The following NECTIN3 variants were observed in gnomAD, a reference collection of about 807,000 sequenced individuals.
NECTIN3 encodes the protein nectin-3.
A neutral mutation model predicts 49.4 loss-of-function variants in NECTIN3; 8 were observed. That is an observed-to-expected ratio of 0.16 (90% CI 0.10 to 0.29). The LOEUF is 0.29. NECTIN3 is among the 10% of genes least tolerant of loss of function. The probability of loss-of-function intolerance (pLI) is 1.00; values close to 1 mark genes in which losing one functional copy is unlikely to be tolerated. For synonymous variants in NECTIN3, 277 were observed against 241.1 expected (o/e 1.15, Z -1.38); for missense variants, 581 against 654.6 (o/e 0.89, Z 1.23).
chr3:111,096,008 G>A (rs2032564233), intron 1 of NECTIN3, among the ~76,000 whole-genome samples: 1 of 152,208 alleles, frequency 6.6e-6, no homozygotes, highest in African/African-American at 2.4e-5. Context: ...CTTTGGAACT[G>A]GGTAACAGGC....
At chr3:111,127,324 A>T (rs149560400) in intron 5 of NECTIN3, among the ~76,000 whole-genome samples, 1 of 152,168 alleles carries the variant, frequency 6.6e-6, no homozygotes, top group African/African-American at 2.4e-5. Context: ...GTCTTAGAGC[A>T]CTCACCACAG....
chr3:111,173,915 G>T (rs1559818581), intron 7 of NECTIN3, among the ~76,000 whole-genome samples: 1 of 151,666 alleles, frequency 6.6e-6, no homozygotes, highest in Non-Finnish European at 1.5e-5. Flanking sequence ...GTAAAATCCT[G>T]GATTCCCCTG....
chr3:111,080,839 T>C (rs1053196449), intron 1 of NECTIN3, among the ~76,000 whole-genome samples: 14 of 152,214 alleles, frequency 9.2e-5, no homozygotes, highest in Non-Finnish European at 2.1e-4. Context: ...GGCATGCTTA[T>C]ATATCAAATG....
chr3:111,128,251 C>T (rs561285969), intron 5 of NECTIN3, among the ~76,000 whole-genome samples: 1 of 151,190 alleles, frequency 6.6e-6, no homozygotes, highest in Non-Finnish European at 1.5e-5. Context: ...GCAGGAGAAT[C>T]GCTTGAATCC....
intron 7 of NECTIN3, among the ~76,000 whole-genome samples, chr3:111,167,891 G>A (rs1282723080): frequency 2.0e-5 from 3 of 151,004 alleles, no homozygotes; most frequent in Non-Finnish European, 4.4e-5. Context: ...TTTCTTTTTT[G>A]GACATTATGT....
Position 111,166,913 on chromosome 3 carries a change from ATAGG to A in NECTIN3, c.1221+19449_1221+19452del, listed in dbSNP as rs367945964. On this transcript the variant is annotated intron_variant, in intron 7 of 8. Transcript: ENST00000493615. The stretch of plus-strand genomic sequence containing the variant: ...ATAGTGTTTATAATATTTAATAAAG[ATAGG>A]TAGGTAGGTAGGTAGGTAGATAGAT... Among the ~76,000 whole-genome samples, 283 of 152,302 alleles carry A rather than the reference ATAGG, an allele frequency of 1.9e-3. 1 individual carries two copies. Among genetic ancestry groups the A allele is most frequent in the South Asian group, 5.4e-3 (26 of 4,826 alleles).
chr3:111,094,220 T>G (rs1021367419), intron 1 of NECTIN3, among the ~76,000 whole-genome samples: 1 of 152,120 alleles, frequency 6.6e-6, no homozygotes, highest in African/African-American at 2.4e-5. Context: ...TTATATCACT[T>G]GTAATTTTTA....
chr3:111,141,410 A>T (rs144050900), downstream of NECTIN3, among the ~76,000 whole-genome samples: 5 of 151,994 alleles, frequency 3.3e-5, no homozygotes, highest in Admixed American at 3.3e-4. Flanking sequence ...AGGTGTACAC[A>T]TATGTTTCAA....
intron 4 of NECTIN3, among the ~76,000 whole-genome samples, chr3:111,125,022 CTTTTTTTT>C (rs869201432): frequency 3.3e-5 from 3 of 90,210 alleles, no homozygotes; most frequent in Admixed American, 1.3e-4. Context: ...TCTTTTCTTT[CTTTTTTTT>C]TTTTTTTTTT....
At chr3:111,086,341 T>C (rs1306207840) in intron 1 of NECTIN3, among the ~76,000 whole-genome samples, 3 of 152,192 alleles carry the variant, frequency 2.0e-5, no homozygotes, top group African/African-American at 7.2e-5. Flanking sequence ...TGTTGTGTTT[T>C]TGTTTAGGAA....
Position 111,135,950 on chromosome 3 carries a change from A to G in NECTIN3, c.*1735A>G, listed in dbSNP as rs1009963610. On this transcript the variant is annotated 3_prime_UTR_variant, in exon 6 of 6. Transcript: ENST00000485303. The stretch of plus-strand genomic sequence containing the variant: ...AAATAAAGTTCACTTATATCTTCTT[A>G]CAAATGTCTGGGTTTTAATATGGTT... 2.1e-6 allele frequency: 2 copies of G among 931,220 alleles called. No homozygotes were observed. Among genetic ancestry groups the G allele is most frequent in the African/African-American group, 1.8e-5 (1 of 55,626 alleles). The allele number at this position is 931,220 out of a possible 1,614,324, so 57.7% of individuals were successfully genotyped here. A position where few individuals can be genotyped will look rare whatever the true frequency, so the allele number is the denominator to read the frequency against.
chr3:111,087,264 G>A (rs189923864), intron 1 of NECTIN3, among the ~76,000 whole-genome samples: 44 of 152,180 alleles, frequency 2.9e-4, no homozygotes, highest in African/African-American at 9.9e-4. Context: ...ATATTAAAGT[G>A]GTGACTACAA....
At chr3:111,186,491 G>C (rs756338223) in intron 7 of NECTIN3, among the ~76,000 whole-genome samples, 9 of 152,048 alleles carry the variant, frequency 5.9e-5, no homozygotes, top group Non-Finnish European at 1.3e-4. Flanking sequence ...TGATGCTAGG[G>C]TAAATGGCTA....
At chr3:111,145,738 A>G (rs1443606714) in intron 6 of NECTIN3, among the ~76,000 whole-genome samples, 1 of 152,216 alleles carries the variant, frequency 6.6e-6, no homozygotes, top group Non-Finnish European at 1.5e-5. Flanking sequence ...AATATTTTAT[A>G]AACTGTGAAG....
intron 2 of NECTIN3, among the ~76,000 whole-genome samples, chr3:111,112,819 T>G (rs762963411): frequency 2.0e-5 from 3 of 152,196 alleles, no homozygotes; most frequent in Non-Finnish European, 2.9e-5. Flanking sequence ...TATTTTAGAT[T>G]TGCATAGCTA....
intron 1 of NECTIN3, among the ~76,000 whole-genome samples, chr3:111,110,382 A>G (rs1464757883): frequency 3.9e-5 from 6 of 152,002 alleles, no homozygotes; most frequent in Admixed American, 3.9e-4. Context: ...GTAAATGGTA[A>G]GTTTTATTAA....
At chr3:111,157,552 CAG>C (rs1044779232) in intron 7 of NECTIN3, among the ~76,000 whole-genome samples, 3 of 151,936 alleles carry the variant, frequency 2.0e-5, no homozygotes, top group South Asian at 4.1e-4. Context: ...TTTTAAAAAA[CAG>C]AATTTGAACT....
At chr3:111,088,603 A>G (rs2032073703) in intron 1 of NECTIN3, among the ~76,000 whole-genome samples, 1 of 152,258 alleles carries the variant, frequency 6.6e-6, no homozygotes, top group Non-Finnish European at 1.5e-5. Flanking sequence ...TGGGCCCAAC[A>G]TGCTTCTGCT....
upstream of NECTIN3, among the ~76,000 whole-genome samples, chr3:111,187,796 G>C (rs2035748156): frequency 1.3e-5 from 2 of 152,176 alleles, no homozygotes; most frequent in South Asian, 4.1e-4. Flanking sequence ...TGGGTGGCTA[G>C]GGAGGATGGT....
Sources: allele counts gnomAD v4.1 joint callset (sites outside exome capture counted in the v4.1 genomes callset), GRCh38; gene constraint gnomAD v4.1.1; transcripts MANE v1.5; gene names NCBI Gene and HGNC (gene_info 2026-07-23, HGNC 2026-07-21).